The following PDS5B variants were observed in gnomAD, a reference collection of about 807,000 sequenced individuals.
PDS5B encodes the protein PDS5 cohesin associated factor B.
Under a neutral mutation model 184.1 loss-of-function variants are expected in PDS5B, and 51 were observed. The ratio of observed to expected loss-of-function variants is 0.28; its 90% CI spans 0.22 to 0.35. PDS5B has a LOEUF of 0.35. Ranked by LOEUF, PDS5B falls within the 10% of genes least tolerant of loss-of-function variation. The pLI, the probability that PDS5B is intolerant of heterozygous loss-of-function variation, is 1.00. For synonymous variants in PDS5B, 566 were observed against 569.2 expected, an observed-to-expected ratio of 0.99 and a Z score of 0.08; for missense variants, 1,180 against 1,723.3, an observed-to-expected ratio of 0.68 and a Z score of 5.58.
chr13:32,661,248 G>T, intron 6 of PDS5B, among the ~76,000 whole-genome samples: 1 of 151,806 alleles, frequency 6.6e-6, no homozygotes, highest in Non-Finnish European at 1.5e-5. Context: ...GCCAGGCGTG[G>T]CAGCATGCGC....
At chr13:32,753,764 A>G (rs1451753755) in intron 25 of PDS5B, among the ~76,000 whole-genome samples, 2 of 152,200 alleles carry the variant, frequency 1.3e-5, no homozygotes, top group East Asian at 3.8e-4. Flanking sequence ...TGGCCAAGGA[A>G]AATAAACAAT....
chr13:32,707,634 C>A (rs923561386), intron 18 of PDS5B, among the ~76,000 whole-genome samples: 1 of 137,908 alleles, frequency 7.3e-6, no homozygotes, highest in Non-Finnish European at 1.5e-5. Context: ...TAAAGCAGAT[C>A]TGGTTTTTGG....
chr13:32,700,245 T>G (rs999595502), intron 16 of PDS5B, among the ~76,000 whole-genome samples: 1 of 152,114 alleles, frequency 6.6e-6, no homozygotes, highest in Non-Finnish European at 1.5e-5. Flanking sequence ...TTTTACACAG[T>G]CTTGATTCTT....
intron 1 of PDS5B, among the ~76,000 whole-genome samples, chr13:32,637,097 A>G (rs2058574377): frequency 6.6e-6 from 1 of 152,228 alleles, no homozygotes; most frequent in Admixed American, 6.5e-5. Flanking sequence ...GTGAGAACCT[A>G]TTTAAGAATT....
chr13:32,603,735 A>C (rs2058015557), intron 1 of PDS5B, among the ~76,000 whole-genome samples: 1 of 151,612 alleles, frequency 6.6e-6, no homozygotes. Context: ...TGAGCATGGA[A>C]TGTTTGTGTC....
At position 32,773,259 on chromosome 13, in the gene PDS5B, G is replaced by A. The variant is rs1954851181; in HGVS notation, c.4243G>A (p.Gly1415Ser). 1 of 1,613,070 alleles carries A rather than the reference G, an allele frequency of 6.2e-7. No homozygotes were observed. The highest frequency in any genetic ancestry group is 1.1e-5 in the South Asian group (1 of 90,998). Residue 1415 changes from glycine (G) to serine (S), a missense_variant, in exon 34 of 35, where the codon GGT (glycine) becomes AGT (serine). By Grantham distance (56) the Gly-to-Ser change is moderately conservative. Around this residue, in one of 11 missense-constraint regions of PDS5B, gnomAD observed 465 missense variants for 497.8 expected, o/e 0.93. Transcript: ENST00000315596. ...DSSEEVDVFQ[G>S]SSPVDDIPQE... Reference sequence around the variant, plus strand: ...AAGTGAAGAAGTAGATGTGTTTCAGGGTAGCTCTCCTGTCGATGATATTCC... The same window carrying A: ...AAGTGAAGAAGTAGATGTGTTTCAGAGTAGCTCTCCTGTCGATGATATTCC...
rs566470615 is a variant in PDS5B, at chr13:32,679,470, G to A, written c.1057+541G>A. 4.6e-5 allele frequency among the ~76,000 whole-genome samples: 7 copies of A among 151,836 alleles called. No individual in the cohort carries two copies. In the South Asian group the frequency reaches 8.3e-4, roughly 18 times the overall value. ...GCTGACCAATATGAAACCCCGTCTC[G>A]ACTAAAAATACAAAAATTAGCTGGG... On this transcript the variant is annotated intron_variant, in intron 10 of 34. Transcript: ENST00000315596.
intron 6 of PDS5B, among the ~76,000 whole-genome samples, chr13:32,664,734 G>T (rs960618611): frequency 1.3e-5 from 2 of 152,108 alleles, no homozygotes; most frequent in Non-Finnish European, 1.5e-5. Flanking sequence ...CATGTCTGTA[G>T]TCCCAGTGAC....
At chr13:32,773,102 G>A (rs1293748706) in intron 33 of PDS5B, 87 bp from the exon 34 acceptor site, 32 of 1,136,272 alleles carry the variant, frequency 2.8e-5, no homozygotes, top group East Asian at 9.9e-5. Context: ...ATGATATGAC[G>A]ATGAAATACG....
At chr13:32,635,991 G>T (rs1216965004) in intron 1 of PDS5B, among the ~76,000 whole-genome samples, 1 of 151,444 alleles carries the variant, frequency 6.6e-6, no homozygotes, top group Non-Finnish European at 1.5e-5. Flanking sequence ...TGATGGTCTC[G>T]ATCTCCTGAC....
In PDS5B at chr13:32,739,398, C is replaced by T. The variant is rs144357384; in HGVS notation, c.2407-1682C>T. On this transcript the variant is annotated intron_variant, in intron 21 of 34. Transcript: ENST00000315596. ...CTCTAAAAAGAAAAATTTTAAATTTCTCTCACACAACTTATGTTAGGCACT... is the reference window on the plus strand; with the variant it reads ...CTCTAAAAAGAAAAATTTTAAATTTTTCTCACACAACTTATGTTAGGCACT... 9.6e-3 allele frequency among the ~76,000 whole-genome samples: 1,458 copies of T among 152,238 alleles called. 11 individuals carry two copies. Among genetic ancestry groups the T allele is most frequent in the Middle Eastern group, 0.017 (5 of 294 alleles).
At chr13:32,720,696 G>A (rs1258774237) in intron 19 of PDS5B, among the ~76,000 whole-genome samples, 1 of 151,632 alleles carries the variant, frequency 6.6e-6, no homozygotes. Flanking sequence ...TGGAGAGGGG[G>A]ATTTGGCAGG....
intron 33 of PDS5B, among the ~76,000 whole-genome samples, chr13:32,772,638 G>C (rs750160268): frequency 6.6e-6 from 1 of 152,158 alleles, no homozygotes; most frequent in Non-Finnish European, 1.5e-5. Flanking sequence ...ACCATCTACT[G>C]TTCCTTGTAT....
intron 1 of PDS5B, among the ~76,000 whole-genome samples, chr13:32,607,312 T>G (rs554566085): frequency 6.6e-6 from 1 of 152,328 alleles, no homozygotes; most frequent in African/African-American, 2.4e-5. Flanking sequence ...CTGTTGGAGT[T>G]TGCTGGAGGT....
intron 30 of PDS5B, among the ~76,000 whole-genome samples, chr13:32,763,754 A>C (rs1954490134): frequency 6.6e-6 from 1 of 152,132 alleles, no homozygotes; most frequent in South Asian, 2.1e-4. Context: ...GGGAAGTGGA[A>C]ATAAGAAGAG....
At chr13:32,773,458 GT>G in intron 34 of PDS5B, 134 bp downstream of exon 34, 2 of 764,798 alleles carry the variant, frequency 2.6e-6, no homozygotes, top group South Asian at 2.1e-5. Context: ...TATCTACCAG[GT>G]TGGATAATGG....
Position 32,647,782 on chromosome 13 carries a change from C to T in PDS5B, c.-19-972C>T, listed in dbSNP as rs550792219. 2.0e-5 allele frequency among the ~76,000 whole-genome samples: 3 copies of T among 152,200 alleles called. No individual in the cohort carries two copies. In the East Asian group the frequency reaches 5.8e-4, roughly 29 times the overall value. On this transcript the variant is annotated intron_variant, in intron 1 of 34. Transcript: ENST00000315596. ...GTAGTTTTACAGTCTTTGATAGACACAAAAATTGTGTCTGTTTTTGTTGTG... is the reference window on the plus strand; with the variant it reads ...GTAGTTTTACAGTCTTTGATAGACATAAAAATTGTGTCTGTTTTTGTTGTG...
intron 9 of PDS5B, among the ~76,000 whole-genome samples, chr13:32,676,384 C>T (rs1335530966): frequency 2.0e-5 from 3 of 152,048 alleles, no homozygotes; most frequent in African/African-American, 4.8e-5. Flanking sequence ...TAACTTCCTT[C>T]TGTATTACTC....
chr13:32,690,328 A>T (rs542989049), intron 13 of PDS5B: 2 of 152,222 alleles, frequency 1.3e-5, no homozygotes, highest in African/African-American at 4.8e-5. Context: ...TGCACTGCCC[A>T]TGATTCTGAC....
Sources: allele counts gnomAD v4.1 joint callset (sites outside exome capture counted in the v4.1 genomes callset), GRCh38; gene constraint gnomAD v4.1.1; regional missense constraint gnomAD v4.1.1; transcripts MANE v1.5; gene names NCBI Gene and HGNC (gene_info 2026-07-23, HGNC 2026-07-21).